AFG2A: variants seen among roughly 807,000 people sequenced by gnomAD.
AFG2A encodes the protein AAA ATPase AFG2A.
chr4:123,133,719 T>C, the AFG2A span, among the ~76,000 whole-genome samples: 1 of 152,192 alleles, frequency 6.6e-6, no homozygotes, highest in African/African-American at 2.4e-5. Context: ...TTATATTGTT[T>C]TCTTAAATGG....
chr4:123,136,650 G>A, the AFG2A span, among the ~76,000 whole-genome samples: 1 of 151,642 alleles, frequency 6.6e-6, no homozygotes, highest in Non-Finnish European at 1.5e-5. Context: ...CTCCAGCCTG[G>A]GCAACAAAAG....
At chr4:122,987,555 T>C in the AFG2A span, among the ~76,000 whole-genome samples, 7 of 152,194 alleles carry the variant, frequency 4.6e-5, no homozygotes, top group African/African-American at 1.7e-4. Context: ...TATTCTTTGA[T>C]TCTTTTCTCT....
the AFG2A span, among the ~76,000 whole-genome samples, chr4:122,953,777 C>T: frequency 1.3e-5 from 2 of 152,236 alleles, no homozygotes; most frequent in Admixed American, 1.3e-4. Flanking sequence ...TTGGCCATCT[C>T]CTTTCCTTTG....
the AFG2A span, among the ~76,000 whole-genome samples, chr4:123,059,084 A>G: frequency 1.3e-5 from 2 of 152,028 alleles, no homozygotes; most frequent in African/African-American, 4.8e-5. Context: ...TAAAGGCCCC[A>G]TGCAAGTCCA....
the AFG2A span, among the ~76,000 whole-genome samples, chr4:123,092,069 T>TA: frequency 2.4e-4 from 37 of 152,346 alleles, 1 homozygote; most frequent in Middle Eastern, 0.014. Context: ...CTTTGGACCT[T>TA]AAAAAATCAT....
chr4:123,182,236 T>G, the AFG2A span, among the ~76,000 whole-genome samples: 1 of 152,226 alleles, frequency 6.6e-6, no homozygotes, highest in East Asian at 1.9e-4. Flanking sequence ...TTTCCCCTTA[T>G]AAATTTTATT....
chr4:123,017,887 T>C, the AFG2A span, among the ~76,000 whole-genome samples: 1 of 152,166 alleles, frequency 6.6e-6, no homozygotes, highest in Non-Finnish European at 1.5e-5. Context: ...AGCAAGAGGA[T>C]CTTGACTCAT....
At chr4:123,005,661 A>G in the AFG2A span, among the ~76,000 whole-genome samples, 4 of 152,234 alleles carry the variant, frequency 2.6e-5, no homozygotes, top group Admixed American at 1.3e-4. Flanking sequence ...CTTTAGCGGC[A>G]TCACACATAT....
the AFG2A span, among the ~76,000 whole-genome samples, chr4:123,062,847 A>G: frequency 1.3e-5 from 2 of 152,182 alleles, no homozygotes; most frequent in African/African-American, 2.4e-5. Context: ...ATTCTATGCA[A>G]TTTGTTTTGT....
chr4:123,216,915 C>T, the AFG2A span, among the ~76,000 whole-genome samples: 1 of 152,056 alleles, frequency 6.6e-6, no homozygotes, highest in Non-Finnish European at 1.5e-5. Flanking sequence ...AGTGGTCCTT[C>T]CACCTTGGCT....
At chr4:123,042,119 T>C in the AFG2A span, among the ~76,000 whole-genome samples, 2 of 152,226 alleles carry the variant, frequency 1.3e-5, no homozygotes, top group African/African-American at 4.8e-5. Flanking sequence ...CATATTTCAA[T>C]ATTTTTGAAG....
chr4:123,273,484 C>G, the AFG2A span, among the ~76,000 whole-genome samples: 1 of 152,028 alleles, frequency 6.6e-6, no homozygotes, highest in Non-Finnish European at 1.5e-5. Flanking sequence ...AGGAGAAGCT[C>G]TATACATATG....
chr4:122,988,434 C>G, the AFG2A span, among the ~76,000 whole-genome samples: 1 of 143,522 alleles, frequency 7.0e-6, no homozygotes, highest in Non-Finnish European at 1.5e-5. Flanking sequence ...GAATCTCACT[C>G]TGTCACCAGG....
chr4:122,965,576 A>T, the AFG2A span, among the ~76,000 whole-genome samples: 1 of 152,228 alleles, frequency 6.6e-6, no homozygotes, highest in Non-Finnish European at 1.5e-5. Context: ...AATGAAAAGA[A>T]GATGATACAT....
the AFG2A span, among the ~76,000 whole-genome samples, chr4:123,178,267 T>G: frequency 6.6e-6 from 1 of 152,212 alleles, no homozygotes; most frequent in African/African-American, 2.4e-5. Flanking sequence ...TCTCCTTCTC[T>G]GCCATCTTTC....
chr4:123,239,122 A>G, the AFG2A span, among the ~76,000 whole-genome samples: 2 of 152,324 alleles, frequency 1.3e-5, no homozygotes, highest in East Asian at 3.9e-4. Context: ...TGAAGCGAGA[A>G]GAGAAGTTTA....
chr4:123,129,274 C>T, the AFG2A span, among the ~76,000 whole-genome samples: 1 of 152,266 alleles, frequency 6.6e-6, no homozygotes, highest in East Asian at 1.9e-4. Context: ...AAAAGTATCT[C>T]ACTGTCACAT....
At chr4:123,140,152 G>C in the AFG2A span, among the ~76,000 whole-genome samples, 5,575 of 152,114 alleles carry the variant, frequency 0.037, 339 homozygotes, top group African/African-American at 0.13. Flanking sequence ...AAACAAACCT[G>C]TTTTCAGAAT....
chr4:123,107,930 G>A, the AFG2A span, among the ~76,000 whole-genome samples: 2 of 152,234 alleles, frequency 1.3e-5, no homozygotes, highest in Non-Finnish European at 2.9e-5. Context: ...GGGAGCAGGA[G>A]CAGTCACTTC....
Sources: gnomAD v4.1 joint callset for allele counts (sites outside exome capture counted in the v4.1 genomes callset) on GRCh38, gnomAD v4.1.1 for gene constraint, MANE v1.5 for transcripts, NCBI Gene and HGNC (gene_info 2026-07-23, HGNC 2026-07-21) for gene names.